The following PCDH15 variants were observed in gnomAD, a reference collection of about 807,000 sequenced individuals.
The protein encoded by PCDH15 is protocadherin related 15, also known as protocadherin-15.
Under a neutral mutation model 178.5 loss-of-function variants are expected in PCDH15, and 129 were observed. That is an observed-to-expected ratio of 0.72 (90% CI 0.63 to 0.84). The LOEUF is 0.84. Ranked by LOEUF, PCDH15 falls within the 40% of genes least tolerant of loss-of-function variation. The pLI, the probability that PCDH15 is intolerant of heterozygous loss-of-function variation, is 0.00. For synonymous variants in PCDH15, 800 were observed against 732.0 expected (o/e 1.09, Z -1.50); for missense variants, 2,230 against 2,099.9 (o/e 1.06, Z -1.21).
At chr10:54,079,306 A>AC (rs777102173) in intron 17 of PCDH15, 25 bp downstream of exon 17, 1 of 1,600,754 alleles carries the variant, frequency 6.2e-7, no homozygotes, top group East Asian at 2.2e-5. Context: ...TATTTTTAAA[A>AC]CCCCTTCACA....
chr10:53,989,867 A>G (rs1209001410), intron 21 of PCDH15, among the ~76,000 whole-genome samples: 1 of 152,218 alleles, frequency 6.6e-6, no homozygotes, highest in Non-Finnish European at 1.5e-5. Context: ...AGTGATATCA[A>G]TTGAAAATGA....
At chr10:54,074,737 G>A (rs2094309056) in intron 17 of PCDH15, among the ~76,000 whole-genome samples, 1 of 152,198 alleles carries the variant, frequency 6.6e-6, no homozygotes, top group African/African-American at 2.4e-5. Flanking sequence ...GGCTCATATA[G>A]TAATTCTATT....
intron 13 of PCDH15, among the ~76,000 whole-genome samples, chr10:54,172,291 T>C (rs560913987): frequency 3.4e-4 from 51 of 152,020 alleles, no homozygotes; most frequent in African/African-American, 1.2e-3. Flanking sequence ...ACACCCCCAC[T>C]GAGCACCTTG....
chr10:54,777,268 C>G (rs542720261), intron 1 of PCDH15, among the ~76,000 whole-genome samples: 3 of 152,312 alleles, frequency 2.0e-5, no homozygotes, highest in South Asian at 4.1e-4. Context: ...AATCATCGAG[C>G]GCTGGCTGCT....
In PCDH15 at chr10:54,184,740, A is replaced by G. The variant is rs1470993847; in HGVS notation, c.1440+394T>C. On this transcript the variant is annotated intron_variant, in intron 12 of 37. Coordinates refer to ENST00000644397, the MANE Select transcript of PCDH15 (RefSeq NM_001384140.1). ...ATGTTGCTAAATGTTCACTGGAGGG[A>G]AAATTTATTCCCTCTTGAGAATCAC... 3.3e-5 allele frequency among the ~76,000 whole-genome samples: 5 copies of G among 152,088 alleles called. No individual in the cohort carries two copies. The East Asian group carries it at 9.6e-4, about 29-fold the overall frequency.
intron 21 of PCDH15, among the ~76,000 whole-genome samples, chr10:53,980,265 A>C (rs2090525147): frequency 6.6e-6 from 1 of 152,076 alleles, no homozygotes; most frequent in Non-Finnish European, 1.5e-5. Context: ...GATTTTGAAC[A>C]AGGGGTAAAA....
intron 1 of PCDH15, among the ~76,000 whole-genome samples, chr10:55,233,634 G>A (rs1258537164): frequency 6.6e-6 from 1 of 151,728 alleles, no homozygotes. Flanking sequence ...CCAGATTTGT[G>A]CTTTTCTAAT....
intron 8 of PCDH15, among the ~76,000 whole-genome samples, chr10:54,271,996 GAT>G (rs570578298): frequency 3.5e-5 from 5 of 142,010 alleles, no homozygotes; most frequent in East Asian, 2.0e-4. Context: ...ACATATATAT[GAT>G]ATATATATAT....
chr10:54,708,549 A>G (rs2095391541), intron 1 of PCDH15, among the ~76,000 whole-genome samples: 1 of 152,216 alleles, frequency 6.6e-6, no homozygotes, highest in Admixed American at 6.5e-5. Context: ...CTGACATTCT[A>G]TTACAGCAGC....
chr10:54,529,440 C>T (rs1007564330), intron 2 of PCDH15, among the ~76,000 whole-genome samples: 1 of 151,870 alleles, frequency 6.6e-6, no homozygotes, highest in Admixed American at 6.6e-5. Flanking sequence ...TTCATGTACC[C>T]AAATCAAAAG....
At position 54,442,974 on chromosome 10, in the gene PCDH15, A is replaced by AT. The variant is rs2075921858; in HGVS notation, c.158-64033dup. On this transcript the variant is annotated intron_variant, in intron 3 of 37. Coordinates refer to ENST00000644397, the MANE Select transcript of PCDH15 (RefSeq NM_001384140.1). ...GACAAGGGAGAAACCCAGACACTAC[A>AT]TTTTCTAGGATCTCAGCACAACAGA... 4.6e-5 allele frequency among the ~76,000 whole-genome samples: 7 copies of AT among 151,718 alleles called. No homozygotes were observed. In the South Asian group the frequency reaches 1.5e-3, roughly 32 times the overall value.
intron 32 of PCDH15, chr10:53,823,452 TACTTAAAA>T: frequency 8.4e-7 from 1 of 1,190,280 alleles, no homozygotes; most frequent in Non-Finnish European, 1.3e-6. Context: ...TACTATTAAA[TACTTAAAA>T]ACATCAAAGG....
chr10:54,866,327 T>G (rs1953941945), intron 3 of PCDH15, among the ~76,000 whole-genome samples: 1 of 152,172 alleles, frequency 6.6e-6, no homozygotes. Flanking sequence ...AGTTCAGGAT[T>G]GTAAATATGG....
At chr10:53,810,096 T>C (rs1274761905) in intron 37 of PCDH15, among the ~76,000 whole-genome samples, 2 of 149,854 alleles carry the variant, frequency 1.3e-5, no homozygotes, top group Non-Finnish European at 3.0e-5. Context: ...AAATGAGTCA[T>C]GCTAATTTAA....
intron 33 of PCDH15, 198 bp from the exon 34 acceptor site, chr10:53,818,211 A>T: frequency 2.7e-6 from 1 of 375,596 alleles, no homozygotes; most frequent in Non-Finnish European, 4.7e-6. Flanking sequence ...CTGAATTACT[A>T]AAATAATGAT....
chr10:55,278,778 G>T (rs1383880345), intron 1 of PCDH15, among the ~76,000 whole-genome samples: 3 of 152,156 alleles, frequency 2.0e-5, no homozygotes, highest in East Asian at 3.9e-4. Flanking sequence ...AGAGGATTAT[G>T]TTTTGAGAGT....
chr10:55,250,873 T>C (rs920936992), intron 1 of PCDH15, among the ~76,000 whole-genome samples: 4 of 152,078 alleles, frequency 2.6e-5, no homozygotes, highest in African/African-American at 9.7e-5. Flanking sequence ...ATATGTTCTT[T>C]TTGCTTTCTA....
chr10:53,825,957 G>A (rs1281040295), intron 32 of PCDH15, among the ~76,000 whole-genome samples: 2 of 151,500 alleles, frequency 1.3e-5, no homozygotes, highest in African/African-American at 4.8e-5. Flanking sequence ...TCCAGATGAT[G>A]TTATAGTATA....
intron 2 of PCDH15, among the ~76,000 whole-genome samples, chr10:55,524,290 A>G (rs1841252915): frequency 6.6e-6 from 1 of 151,586 alleles, no homozygotes; most frequent in African/African-American, 2.4e-5. Context: ...ACAAAATGAA[A>G]GGAGAGACAA....
Sources: gnomAD v4.1 joint callset for allele counts (sites outside exome capture counted in the v4.1 genomes callset) on GRCh38, gnomAD v4.1.1 for gene constraint, MANE v1.5 for transcripts, NCBI Gene and HGNC (gene_info 2026-07-23, HGNC 2026-07-21) for gene names.